Variants in TRIM13 observed in about 807,000 individuals in gnomAD.
TRIM13 encodes E3 ubiquitin-protein ligase TRIM13.
A neutral mutation model predicts 27.1 loss-of-function variants in TRIM13; 15 were observed. That is an observed-to-expected ratio of 0.55 (90% CI 0.37 to 0.85). The LOEUF is 0.85. Among genes scored for constraint, TRIM13 ranks in the 40% least tolerant of loss-of-function variants. The pLI is 0.00. For synonymous variants in TRIM13, 193 were observed against 171.5 expected (o/e 1.13, Z -0.98); for missense variants, 402 against 472.2 (o/e 0.85, Z 1.38).
At chr13:50,008,147 C>T (rs1428048906) in intron 1 of TRIM13, among the ~76,000 whole-genome samples, 5 of 152,152 alleles carry the variant, frequency 3.3e-5, no homozygotes, top group East Asian at 1.9e-4. Context: ...CCTCGTGATC[C>T]GCCTGCCTCG....
chr13:49,999,796 A>G (rs1036881429), intron 1 of TRIM13, among the ~76,000 whole-genome samples: 4 of 152,168 alleles, frequency 2.6e-5, no homozygotes, highest in African/African-American at 9.7e-5. Flanking sequence ...AAAAACTGCA[A>G]AATTTTAGAA....
At chr13:50,009,020 CAAAAAAAAAAA>C (rs35407149) in intron 1 of TRIM13, among the ~76,000 whole-genome samples, 38 of 68,064 alleles carry the variant, frequency 5.6e-4, no homozygotes, top group African/African-American at 1.7e-3. Flanking sequence ...AAAGCTGTCT[CAAAAAAAAAAA>C]AAAAAAAAAA....
chr13:50,005,953 C>T (rs2066547), intron 1 of TRIM13, among the ~76,000 whole-genome samples: 26,295 of 151,442 alleles, frequency 0.17, 2,602 homozygotes, highest in African/African-American at 0.26. Flanking sequence ...CCGACCTCAT[C>T]TGCCCACCTC....
chr13:50,014,360 T>TATATATATATACACACACACAC lies in TRIM13; in HGVS notation c.*1197_*1198insTATATATATACACACACACACA, dbSNP rs879170111. ...AAAAAAAAAAATATATATATATATA[T>TATATATATATACACACACACAC]ACACACACACACACACATATGTACA... On this transcript the variant is annotated 3_prime_UTR_variant, in exon 2 of 2. Transcript: ENST00000378182. 1 of 58,544 alleles carries TATATATATATACACACACACAC rather than the reference T, an allele frequency of 1.7e-5. No individual in the cohort carries two copies. Among genetic ancestry groups the TATATATATATACACACACACAC allele is most frequent in the Non-Finnish European group, 3.1e-5 (1 of 32,114 alleles). The allele number at this position is 58,544 out of a possible 1,614,324, so 3.6% of individuals were successfully genotyped here. A position where few individuals can be genotyped will look rare whatever the true frequency, so the allele number is the denominator to read the frequency against.
intron 1 of TRIM13, 53 bp from the exon 2 acceptor site, chr13:50,011,881 TA>T (rs1012665156): frequency 2.7e-6 from 4 of 1,496,442 alleles, no homozygotes; most frequent in Non-Finnish European, 3.6e-6. Context: ...AATTATTACA[TA>T]GTCCTAGTGG....
rs1225264119 is a variant in TRIM13, at chr13:49,997,656, T to A, written c.-114T>A. 2.0e-5 allele frequency: 3 copies of A among 152,230 alleles called. No homozygotes were observed. The highest frequency in any genetic ancestry group is 7.2e-5 in the African/African-American group (3 of 41,452). The allele number at this position is 152,230 out of a possible 1,614,324, so 9.4% of individuals were successfully genotyped here. On this transcript the variant is annotated 5_prime_UTR_variant, in exon 1 of 2. Transcript: ENST00000378182. ...TGCGTTAATACTGTTCTTTTTCTTC[T>A]TTCTTTGCAGTAGCCTCTAGTTCGT... is the stretch of plus-strand genomic sequence containing the variant.
rs150389047 is a variant in TRIM13 at position 49,999,827 on chromosome 13, A to G, written c.-7+2064A>G. On this transcript the variant is annotated intron_variant, in intron 1 of 1. Transcript: ENST00000378182. ...TAGAAGGGATTTTAGAGAGCTTATG[A>G]TTAAACCCCTTCATTTTATGAATAA... is the stretch of plus-strand genomic sequence containing the variant. Among the ~76,000 whole-genome samples the G allele has an allele frequency of 2.5e-3, 381 of 152,302 alleles. 3 individuals carry two copies. Among genetic ancestry groups the G allele is most frequent in the South Asian group, 0.021 (103 of 4,822 alleles).
rs879170111 is a variant in TRIM13, at chr13:50,014,360, T to TATATATATATATATGTACAC, written c.*1197_*1198insTATATATATATATGTACACA. 1.7e-5 allele frequency: 1 copy of TATATATATATATATGTACAC among 58,564 alleles called. No individual in the cohort carries two copies. The highest frequency in any genetic ancestry group is 7.1e-5 in the African/African-American group (1 of 13,994). The allele number at this position is 58,564 out of a possible 1,614,324, so 3.6% of individuals were successfully genotyped here. On this transcript the variant is annotated 3_prime_UTR_variant, in exon 2 of 2. Transcript: ENST00000378182. ...AAAAAAAAAAATATATATATATATATACACACACACACACACATATGTACA... is the reference window on the plus strand; with the variant it reads ...AAAAAAAAAAATATATATATATATATATATATATATATATGTACACACACACACACACACACATATGTACA...
intron 1 of TRIM13, among the ~76,000 whole-genome samples, chr13:50,009,712 G>C (rs1266628437): frequency 2.7e-5 from 4 of 148,018 alleles, no homozygotes; most frequent in Middle Eastern, 3.4e-3. Context: ...ACTCCAGCCT[G>C]GGTGACAGAG....
chr13:50,015,601 T>TG lies in TRIM13; in HGVS notation c.*2439dup. 1 of 1,614,148 alleles carries TG rather than the reference T, an allele frequency of 6.2e-7. No homozygotes were observed. Among genetic ancestry groups the TG allele is most frequent in the Middle Eastern group, 1.6e-4 (1 of 6,062 alleles). Reference sequence around the variant, plus strand: ...CTTCTCGTTTGGCACGCATGTTAGATGGCAGAGACCAAGAATTCAAGATGG... The same window carrying TG: ...CTTCTCGTTTGGCACGCATGTTAGATGGGCAGAGACCAAGAATTCAAGATGG... On this transcript the variant is annotated 3_prime_UTR_variant, in exon 2 of 2. Coordinates refer to ENST00000378182, the MANE Select transcript of TRIM13 (RefSeq NM_213590.3).
chr13:50,011,561 C>T (rs1875647481), intron 1 of TRIM13, among the ~76,000 whole-genome samples: 1 of 152,156 alleles, frequency 6.6e-6, no homozygotes, highest in Non-Finnish European at 1.5e-5. Flanking sequence ...GAGTAAAGAG[C>T]TCATTCTGTT....
chr13:50,003,809 G>T (rs1874338762), intron 1 of TRIM13, among the ~76,000 whole-genome samples: 2 of 152,112 alleles, frequency 1.3e-5, no homozygotes, highest in Admixed American at 6.6e-5. Context: ...AAATAAAACT[G>T]TAAATCAAAA....
intron 1 of TRIM13, among the ~76,000 whole-genome samples, chr13:50,000,268 G>T (rs1873862634): frequency 6.6e-6 from 1 of 152,060 alleles, no homozygotes; most frequent in South Asian, 2.1e-4. Context: ...ATACATCATT[G>T]GTTAGAGTTC....
rs143582732 is a variant in TRIM13, at chr13:50,012,719, A to T, written c.779A>T (p.Lys260Ile). ...ATGCAGGAGTTTAGAGAGAAAATCA[A>T]AGTAATCAAGGAAACTCCTTTACCT... ...QQMQEFREKI[K>I]VIKETPLPPS... Residue 260 changes from lysine (K) to isoleucine (I), a missense_variant, in exon 2 of 2, where the codon AAA becomes ATA. This residue lies in a region of TRIM13 where 200 missense variants were observed against 194.7 expected (regional missense o/e 1.03). Coordinates refer to ENST00000378182, the MANE Select transcript of TRIM13 (RefSeq NM_213590.3). 1 of 1,614,012 alleles carries T rather than the reference A, an allele frequency of 6.2e-7. No individual in the cohort carries two copies. Among genetic ancestry groups the T allele is most frequent in the African/African-American group, 1.3e-5 (1 of 74,930 alleles).
In TRIM13 at chr13:50,013,896, T is replaced by C. The variant is rs1334026910; in HGVS notation, c.*732T>C. 6.0e-6 allele frequency: 1 copy of C among 166,716 alleles called. No individual in the cohort carries two copies. Among genetic ancestry groups the C allele is most frequent in the African/African-American group, 2.4e-5 (1 of 41,284 alleles). The allele number at this position is 166,716 out of a possible 1,614,324, so 10.3% of individuals were successfully genotyped here. On this transcript the variant is annotated 3_prime_UTR_variant, in exon 2 of 2. Transcript: ENST00000378182. ...AACATGGTCTAAAAAAGGGAAGATA[T>C]TGTAGAAGATTTCACACACACACGC...
intron 1 of TRIM13, among the ~76,000 whole-genome samples, chr13:50,011,716 C>G (rs1042064297): frequency 1.3e-5 from 2 of 152,162 alleles, no homozygotes; most frequent in African/African-American, 4.8e-5. Flanking sequence ...ACACAAAGGC[C>G]TTGTGTATAG....
chr13:50,004,052 TG>T (rs1874368249), intron 1 of TRIM13, among the ~76,000 whole-genome samples: 1 of 152,250 alleles, frequency 6.6e-6, no homozygotes, highest in African/African-American at 2.4e-5. Flanking sequence ...AAGGAAGAGA[TG>T]AATTTTGGAA....
intron 1 of TRIM13, among the ~76,000 whole-genome samples, chr13:50,010,656 C>T (rs900532153): frequency 6.6e-6 from 1 of 152,176 alleles, no homozygotes; most frequent in Non-Finnish European, 1.5e-5. Context: ...CTGTCAGGCT[C>T]ATAAATATCA....
intron 1 of TRIM13, among the ~76,000 whole-genome samples, chr13:50,009,494 T>C (rs1479780465): frequency 6.6e-6 from 1 of 152,062 alleles, no homozygotes; most frequent in Non-Finnish European, 1.5e-5. Context: ...CCCAGCACTT[T>C]GGGAGGCTGA....
Sources: allele counts gnomAD v4.1 joint callset (sites outside exome capture counted in the v4.1 genomes callset), GRCh38; gene constraint gnomAD v4.1.1; regional missense constraint gnomAD v4.1.1; transcripts MANE v1.5; gene names NCBI Gene and HGNC (gene_info 2026-07-23, HGNC 2026-07-21).